The following HYOU1 variants were observed in gnomAD, a reference collection of about 807,000 sequenced individuals.
HYOU1 encodes hypoxia up-regulated protein 1.
HYOU1 carries 40 observed loss-of-function variants against 120.5 expected under a neutral mutation model. The observed-to-expected ratio is 0.33, with a 90% confidence interval of 0.26 to 0.43. The LOEUF is 0.43. Ranked by LOEUF, HYOU1 falls within the 20% of genes least tolerant of loss-of-function variation. HYOU1 has a pLI of 1.00. For missense variants in HYOU1, 1,085 were observed against 1,278.3 expected, an observed-to-expected ratio of 0.85 and a Z score of 2.31; for synonymous variants, 501 against 479.4, an observed-to-expected ratio of 1.05 and a Z score of -0.59.
At chr11:119,054,087 C>T (rs2133602530) in intron 8 of HYOU1, 34 bp downstream of exon 8, 1 of 1,403,938 alleles carries the variant, frequency 7.1e-7, no homozygotes, top group South Asian at 1.2e-5. Flanking sequence ...TGAGGGTCTT[C>T]ACAAGCAGCC....
Position 119,051,661 on chromosome 11 carries a change from A to G in HYOU1, c.1339-36T>C. 1.2e-6 allele frequency: 2 copies of G among 1,612,330 alleles called. No individual in the cohort carries two copies. Among genetic ancestry groups the G allele is most frequent in the South Asian group, 1.1e-5 (1 of 90,966 alleles). On this transcript the variant is annotated intron_variant, in intron 12 of 25. Coordinates refer to ENST00000617285, the MANE Select transcript of HYOU1 (RefSeq NM_006389.5). The surrounding 1 kb of genome is among the most constrained non-coding windows in gnomAD (Gnocchi z 4.2). The stretch of plus-strand genomic sequence containing the variant: ...GGCAGACAGAGGCACACTGTTGCAC[A>G]CTAGAGAACCCGAGTAGGTTCTGGG...
chr11:119,056,969 T>A (rs1944822055), intron 1 of HYOU1, 51 bp downstream of exon 1: 1 of 151,998 alleles, frequency 6.6e-6, no homozygotes, highest in Admixed American at 6.6e-5. Flanking sequence ...GCTCGCACGC[T>A]GTCTCCCCTA....
chr11:119,055,185 G>A lies in HYOU1; in HGVS notation c.419C>T (p.Ser140Leu), dbSNP rs2133610909. The A allele has an allele frequency of 2.8e-5, 45 of 1,612,898 alleles. No individual in the cohort carries two copies. The highest frequency in any genetic ancestry group is 3.5e-5 in the Non-Finnish European group (41 of 1,179,242). Reference sequence around the variant, plus strand: ...CCACCTTCCCCAACAGAGCACTCACGAGCTGATCTGAAAGTGCACAGTCTG... The same window carrying A: ...CCACCTTCCCCAACAGAGCACTCACAAGCTGATCTGAAAGTGCACAGTCTG... ...QRQTVHFQIS[S>L]QLQFSPEEVL... The change falls in exon 5 of 26, where the codon TCG becomes TTG. Residue 140 changes from serine to leucine, a missense_variant and splice_region_variant. This residue lies in a region of HYOU1 where 515 missense variants were observed against 677.8 expected (regional missense o/e 0.76). Transcript: ENST00000617285. The surrounding 1 kb of genome is among the most constrained non-coding windows in gnomAD (Gnocchi z 4.0).
chr11:119,053,048 T>C lies in HYOU1; in HGVS notation c.795-219A>G, dbSNP rs2133597432. ...TTCCACTCATTCATTCGACAGTGTT[T>C]ACTGAGCATTACTTATGTACTTCCC... On this transcript the variant is annotated intron_variant, in intron 8 of 25. Transcript: ENST00000617285. 21 of 520,114 alleles carry C rather than the reference T, an allele frequency of 4.0e-5. No homozygotes were observed. The East Asian group carries it at 6.3e-4, about 16-fold the overall frequency. The allele number at this position is 520,114 out of a possible 1,614,324, so 32.2% of individuals were successfully genotyped here. A position where few individuals can be genotyped will look rare whatever the true frequency, so the allele number is the denominator to read the frequency against.
chr11:119,050,648 G>C (rs1330932175), intron 14 of HYOU1, among the ~76,000 whole-genome samples: 1 of 128,852 alleles, frequency 7.8e-6, no homozygotes, highest in Non-Finnish European at 1.6e-5. Context: ...TTAAGCCCAA[G>C]TGTTCAAGGC....
chr11:119,055,810 C>A lies in HYOU1; in HGVS notation c.125G>T (p.Ser42Ile). The change falls in exon 3 of 26, where the codon AGT becomes ATT. Residue 42 changes from serine (S) to isoleucine (I), a missense_variant. Physicochemically the swap from Ser to Ile is moderately radical, Grantham distance 142. Coordinates refer to ENST00000617285, the MANE Select transcript of HYOU1 (RefSeq NM_006389.5). The surrounding 1 kb of genome is among the most constrained non-coding windows in gnomAD (Gnocchi z 4.0). ...GACAATGGCCACCTTCATGGACTCA[C>A]TGCCCAGGTCCACAGACATCACTGC... is the stretch of plus-strand genomic sequence containing the variant. Reference protein sequence around the residue: ...TLAVMSVDLGSESMKVAIVKP... With the variant: ...TLAVMSVDLGIESMKVAIVKP... The A allele has an allele frequency of 6.2e-7, 1 of 1,614,198 alleles. No individual in the cohort carries two copies. The highest frequency in any genetic ancestry group is 8.5e-7 in the Non-Finnish European group (1 of 1,180,008).
intron 8 of HYOU1, chr11:119,053,753 C>G (rs1944588211): frequency 5.6e-6 from 1 of 177,696 alleles, no homozygotes; most frequent in African/African-American, 2.4e-5. Flanking sequence ...CTCCTGAGGG[C>G]TATGTCACAG....
At chr11:119,056,248 G>A (rs782073451) in intron 1 of HYOU1, 81 bp from the exon 2 acceptor site, 34 of 985,604 alleles carry the variant, frequency 3.4e-5, no homozygotes, top group Non-Finnish European at 4.6e-5. Flanking sequence ...GAACGGAGAG[G>A]CTGTAAGATT....
rs1943951570 is a variant in HYOU1, at chr11:119,044,340, G to A, written c.*1253C>T. 6.7e-6 allele frequency: 1 copy of A among 148,838 alleles called. No homozygotes were observed. The highest frequency in any genetic ancestry group is 1.5e-5 in the Non-Finnish European group (1 of 67,444). The allele number at this position is 148,838 out of a possible 1,614,324, so 9.2% of individuals were successfully genotyped here. A position where few individuals can be genotyped will look rare whatever the true frequency, so the allele number is the denominator to read the frequency against. On this transcript the variant is annotated 3_prime_UTR_variant, in exon 26 of 26. Coordinates refer to ENST00000617285, the MANE Select transcript of HYOU1 (RefSeq NM_006389.5). The stretch of plus-strand genomic sequence containing the variant: ...GTGGGGTGAGGGGTGGGACCCTTAG[G>A]TCCCATCTCTGCCAATGTGGCAAAA...
At position 119,044,833 on chromosome 11, in the gene HYOU1, A is replaced by G. The variant is rs1020059924; in HGVS notation, c.*760T>C. 7.2e-5 allele frequency: 18 copies of G among 249,304 alleles called. No homozygotes were observed. The highest frequency in any genetic ancestry group is 1.4e-4 in the Non-Finnish European group (17 of 118,448). The allele number at this position is 249,304 out of a possible 1,614,324, so 15.4% of individuals were successfully genotyped here. On this transcript the variant is annotated 3_prime_UTR_variant, in exon 26 of 26. Coordinates refer to ENST00000617285, the MANE Select transcript of HYOU1 (RefSeq NM_006389.5). ...TGCACGATGCTGGCACCCCATGCCA[A>G]CCACTCTACGTGGCTTTCCTCTTCG...
rs939756864 is a variant in HYOU1, at chr11:119,045,322, A to G, written c.*271T>C. 11 of 611,278 alleles carry G rather than the reference A, an allele frequency of 1.8e-5. No homozygotes were observed. The highest frequency in any genetic ancestry group is 3.3e-5 in the Non-Finnish European group (11 of 330,128). 37.9% of individuals were successfully genotyped at this position (611,278 alleles called of 1,614,324 possible). ...ACAGGCAAAGGATTCAGAAATTAAT[A>G]GTGATTTTTCCCAAATTTAGGGCCT... is the stretch of plus-strand genomic sequence containing the variant. On this transcript the variant is annotated 3_prime_UTR_variant, in exon 26 of 26. Coordinates refer to ENST00000617285, the MANE Select transcript of HYOU1 (RefSeq NM_006389.5).
chr11:119,055,057 C>A lies in HYOU1; in HGVS notation c.423G>T (p.Gln141His). 1 of 1,614,100 alleles carries A rather than the reference C, an allele frequency of 6.2e-7. No homozygotes were observed. Among genetic ancestry groups the A allele is most frequent in the Non-Finnish European group, 8.5e-7 (1 of 1,179,988 alleles). Residue 141 changes from glutamine to histidine, a missense_variant, in exon 6 of 26, where the codon CAG becomes CAT. Gln to His is a conservative substitution (Grantham distance 24). Coordinates refer to ENST00000617285, the MANE Select transcript of HYOU1 (RefSeq NM_006389.5). This position sits in a 1 kb window ranked among gnomAD's most constrained non-coding sequence, Gnocchi z 4.0. The stretch of plus-strand genomic sequence containing the variant: ...ACACTTCCTCAGGTGAGAACTGCAG[C>A]TGCCTGAGGGGAAGGAAGGTAGTTG... ...RQTVHFQISS[Q>H]LQFSPEEVLG...
Position 119,051,364 on chromosome 11 carries a change from C to G in HYOU1, c.1526+74G>C. 6.5e-7 allele frequency: 1 copy of G among 1,540,314 alleles called. No individual in the cohort carries two copies. Among genetic ancestry groups the G allele is most frequent in the Non-Finnish European group, 8.9e-7 (1 of 1,123,506 alleles). ...CCCGCAGGCCCACATCCTCCCTCAC[C>G]CCCAGTCCTCAGATTATCCAGCAGC... is the stretch of plus-strand genomic sequence containing the variant. On this transcript the variant is annotated intron_variant, in intron 13 of 25. Coordinates refer to ENST00000617285, the MANE Select transcript of HYOU1 (RefSeq NM_006389.5). This position sits in a 1 kb window ranked among gnomAD's most constrained non-coding sequence, Gnocchi z 4.2.
chr11:119,045,700 G>C (rs369729316), intron 25 of HYOU1, 46 bp from the exon 26 acceptor site: 3 of 1,613,264 alleles, frequency 1.9e-6, no homozygotes, highest in Non-Finnish European at 1.7e-6. Context: ...AGGTGAAACA[G>C]AGGAACCAAC....
At position 119,052,716 on chromosome 11, in the gene HYOU1, G is replaced by A. The variant is rs2133595024; in HGVS notation, c.908C>T (p.Pro303Leu). 4.3e-6 allele frequency: 7 copies of A among 1,614,080 alleles called. No individual in the cohort carries two copies. The highest frequency in any genetic ancestry group is 2.2e-5 in the East Asian group (1 of 44,898). ...ACGCAGCAGCTTGGCCATGGCACGC[G>A]GGTTCTCCCGCACATCCTTTGCTCT... ...GQRAKDVREN[P>L]RAMAKLLREA... The change falls in exon 9 of 26, where the codon CCG becomes CTG. Residue 303 changes from proline (P) to leucine (L), a missense_variant. By Grantham distance (98) the Pro-to-Leu change is moderately conservative. This residue lies in a region of HYOU1 where 515 missense variants were observed against 677.8 expected (regional missense o/e 0.76). Transcript: ENST00000617285. The surrounding 1 kb of genome is among the most constrained non-coding windows in gnomAD (Gnocchi z 5.0).
chr11:119,054,142 T>C lies in HYOU1; in HGVS notation c.773A>G (p.Gln258Arg), dbSNP rs1227101550. 6.2e-7 allele frequency: 1 copy of C among 1,611,914 alleles called. No individual in the cohort carries two copies. Among genetic ancestry groups the C allele is most frequent in the African/African-American group, 1.3e-5 (1 of 74,906 alleles). Residue 258 changes from glutamine (Q) to arginine (R), a missense_variant, in exon 8 of 26, where the codon CAG becomes CGG. By Grantham distance (43) the Gln-to-Arg change is conservative. Around this residue, in one of 4 missense-constraint regions of HYOU1, gnomAD observed 515 missense variants for 677.8 expected, o/e 0.76. Coordinates refer to ENST00000617285, the MANE Select transcript of HYOU1 (RefSeq NM_006389.5). Reference protein sequence around the residue: ...VKTKEAGMQPQLQIRGVGFDR... With the variant: ...VKTKEAGMQPRLQIRGVGFDR... Reference sequence around the variant, plus strand: ...TTACCCTACTCCCCGGATCTGCAGCTGTGGCTGCATCCCAGCTTCCTTAGT... The same window carrying C: ...TTACCCTACTCCCCGGATCTGCAGCCGTGGCTGCATCCCAGCTTCCTTAGT...
intron 1 of HYOU1, 32 bp from the exon 2 acceptor site, chr11:119,056,199 A>G: frequency 6.8e-7 from 1 of 1,461,310 alleles, no homozygotes; most frequent in South Asian, 1.1e-5. Flanking sequence ...AACACTTAAA[A>G]CTGGATACCC....
chr11:119,056,086 G>C lies in HYOU1; in HGVS notation c.75C>G (p.Asp25Glu), dbSNP rs782426345. Reference protein sequence around the residue: ...CWALVAVLLADLLALSDTLAV... With the variant: ...CWALVAVLLAELLALSDTLAV... ...GGTACATACCACTCAGTGCCAACAGGTCTGCCAAGAGCACAGCCACCAAGG... is the reference window on the plus strand; with the variant it reads ...GGTACATACCACTCAGTGCCAACAGCTCTGCCAAGAGCACAGCCACCAAGG... The change falls in exon 2 of 26, where the codon GAC becomes GAG. Residue 25 changes from aspartate (D) to glutamate (E), a missense_variant. This residue lies in a region of HYOU1 where 45 missense variants were observed against 49.2 expected (regional missense o/e 0.91). Transcript: ENST00000617285. 1 of 1,613,982 alleles carries C rather than the reference G, an allele frequency of 6.2e-7. No homozygotes were observed. The highest frequency in any genetic ancestry group is 1.7e-5 in the Admixed American group (1 of 60,022).
chr11:119,044,915 T>G lies in HYOU1; in HGVS notation c.*678A>C. ...CCCTCCCTCCTCTGGCCACTAGGGG[T>G]GGGAAATACGAGTGAGAATCCTTCC... On this transcript the variant is annotated 3_prime_UTR_variant, in exon 26 of 26. Coordinates refer to ENST00000617285, the MANE Select transcript of HYOU1 (RefSeq NM_006389.5). 6.4e-6 allele frequency: 2 copies of G among 313,900 alleles called. No homozygotes were observed. Among genetic ancestry groups the G allele is most frequent in the South Asian group, 2.5e-5 (1 of 39,314 alleles). 19.4% of individuals were successfully genotyped at this position (313,900 alleles called of 1,614,324 possible).
Sources: allele counts gnomAD v4.1 joint callset (sites outside exome capture counted in the v4.1 genomes callset), GRCh38; gene constraint gnomAD v4.1.1; regional missense constraint gnomAD v4.1.1; non-coding constraint Gnocchi (gnomAD v3.1); transcripts MANE v1.5; gene names NCBI Gene and HGNC (gene_info 2026-07-23, HGNC 2026-07-21).